The following CSMD1 variants were observed in gnomAD, a reference collection of about 807,000 sequenced individuals.
The protein encoded by CSMD1 is CUB and Sushi multiple domains 1.
A neutral mutation model predicts 417.5 loss-of-function variants in CSMD1; 213 were observed. The ratio of observed to expected loss-of-function variants is 0.51; its 90% CI spans 0.46 to 0.57. The LOEUF (loss-of-function observed/expected upper bound fraction) is 0.57. Among genes scored for constraint, CSMD1 ranks in the 20% least tolerant of loss-of-function variants. The pLI, the probability that CSMD1 is intolerant of heterozygous loss-of-function variation, is 0.00. For missense variants in CSMD1, 6,923 were observed against 4,529.7 expected (o/e 1.53, Z -15.17); for synonymous variants, 2,862 against 1,736.8 (o/e 1.65, Z -16.11).
intron 1 of CSMD1, among the ~76,000 whole-genome samples, chr8:4,902,067 A>G (rs1394658338): frequency 6.6e-6 from 1 of 152,172 alleles, no homozygotes; most frequent in Non-Finnish European, 1.5e-5. Flanking sequence ...TACATTAAAG[A>G]ATATATATGT....
chr8:4,151,547 T>G (rs991398798), intron 3 of CSMD1, among the ~76,000 whole-genome samples: 1 of 152,228 alleles, frequency 6.6e-6, no homozygotes, highest in African/African-American at 2.4e-5. Flanking sequence ...ACTTATACCA[T>G]AACATTAAAT....
intron 2 of CSMD1, among the ~76,000 whole-genome samples, chr8:4,503,134 C>CT (rs1802344311): frequency 6.6e-6 from 1 of 152,090 alleles, no homozygotes; most frequent in South Asian, 2.1e-4. Context: ...AATGGATATG[C>CT]TTTTTTTACG....
Position 2,961,154 on chromosome 8 carries a change from G to T in CSMD1, c.9689C>A (p.Ser3230Tyr). The change falls in exon 62 of 70, where the codon TCC becomes TAC. Residue 3230 changes from serine (S) to tyrosine (Y), a missense_variant. Ser to Tyr is a moderately radical substitution (Grantham distance 144). Coordinates refer to ENST00000635120, the MANE Select transcript of CSMD1 (RefSeq NM_033225.6). ...GTPHFGIQNS[S>Y]RGYEVGSTVF... ...ATAATGAACTACCTCATAGCCTCTG[G>T]AGCTATTCTGTATTCCAAAGTGTGG... 6.3e-7 allele frequency: 1 copy of T among 1,593,160 alleles called. No individual in the cohort carries two copies. The highest frequency in any genetic ancestry group is 8.6e-7 in the Non-Finnish European group (1 of 1,165,524).
chr8:2,966,490 A>T, intron 58 of CSMD1, 80 bp downstream of exon 58: 1 of 1,304,276 alleles, frequency 7.7e-7, no homozygotes, highest in Non-Finnish European at 1.1e-6. Context: ...AAACAGTATA[A>T]CACCTTAAAG....
At chr8:3,894,319 A>G (rs932058910) in intron 5 of CSMD1, among the ~76,000 whole-genome samples, 1 of 152,254 alleles carries the variant, frequency 6.6e-6, no homozygotes, top group South Asian at 2.1e-4. Context: ...TTCACCACTG[A>G]AAGCTTTGCT....
At chr8:3,746,471 G>A (rs905484754) in intron 6 of CSMD1, among the ~76,000 whole-genome samples, 6 of 152,088 alleles carry the variant, frequency 3.9e-5, no homozygotes, top group African/African-American at 7.2e-5. Context: ...AACAGTAAAC[G>A]TTTGTCATGC....
chr8:3,387,778 T>A, intron 17 of CSMD1, 96 bp from the exon 18 acceptor site: 1 of 979,432 alleles, frequency 1.0e-6, no homozygotes, highest in South Asian at 1.7e-5. Flanking sequence ...GTCTCAGAAA[T>A]AATAAGACCT....
chr8:4,359,852 G>A (rs532720316), intron 3 of CSMD1, among the ~76,000 whole-genome samples: 1 of 152,244 alleles, frequency 6.6e-6, no homozygotes, highest in Non-Finnish European at 1.5e-5. Flanking sequence ...AAGACTCAGT[G>A]CAAGTCCAGA....
At chr8:3,960,738 T>C (rs1383662168) in intron 5 of CSMD1, among the ~76,000 whole-genome samples, 3 of 151,924 alleles carry the variant, frequency 2.0e-5, no homozygotes, top group African/African-American at 7.2e-5. Context: ...AATTCATTTT[T>C]ATAATTAATT....
chr8:4,577,955 T>C (rs1478060286), intron 2 of CSMD1, among the ~76,000 whole-genome samples: 1 of 152,114 alleles, frequency 6.6e-6, no homozygotes, highest in African/African-American at 2.4e-5. Flanking sequence ...CAGAGAAAAA[T>C]GACATGGGTC....
intron 3 of CSMD1, among the ~76,000 whole-genome samples, chr8:4,038,944 A>G (rs930092143): frequency 6.6e-6 from 1 of 152,210 alleles, no homozygotes; most frequent in Non-Finnish European, 1.5e-5. Context: ...TATGGTCACA[A>G]TTCAGTGACT....
At chr8:3,258,952 G>T (rs1052942574) in intron 26 of CSMD1, among the ~76,000 whole-genome samples, 2 of 152,222 alleles carry the variant, frequency 1.3e-5, no homozygotes, top group African/African-American at 2.4e-5. Context: ...ATGGTGGAAA[G>T]TGAGAAAAGG....
At chr8:3,625,299 T>C (rs1796439418) in intron 7 of CSMD1, among the ~76,000 whole-genome samples, 1 of 152,216 alleles carries the variant, frequency 6.6e-6, no homozygotes, top group Non-Finnish European at 1.5e-5. Flanking sequence ...CTTTTATACG[T>C]ATTGTTTTAG....
At chr8:3,531,408 C>T (rs188027733) in intron 10 of CSMD1, among the ~76,000 whole-genome samples, 1 of 152,174 alleles carries the variant, frequency 6.6e-6, no homozygotes, top group Admixed American at 6.5e-5. Context: ...TTATAAAACA[C>T]AATAGTAACA....
intron 1 of CSMD1, among the ~76,000 whole-genome samples, chr8:4,979,409 G>A (rs1810749587): frequency 6.6e-6 from 1 of 152,140 alleles, no homozygotes; most frequent in Non-Finnish European, 1.5e-5. Flanking sequence ...CACACTATGA[G>A]GAGGAGAGAC....
chr8:4,788,285 T>C lies in CSMD1; in HGVS notation c.86-150727A>G, dbSNP rs956669853. ...AAAGGGATGGCATTCCTACTGTATT[T>C]GTGGCAGTGGCAGGCAGAAGTAATG... On this transcript the variant is annotated intron_variant, in intron 1 of 69. Coordinates refer to ENST00000635120, the MANE Select transcript of CSMD1 (RefSeq NM_033225.6). The C allele has an allele frequency of 6.3e-6, 10 of 1,589,906 alleles. No individual in the cohort carries two copies. In the South Asian group the frequency reaches 1.1e-4, roughly 18 times the overall value.
intron 29 of CSMD1, among the ~76,000 whole-genome samples, chr8:3,215,221 G>C (rs1797814259): frequency 6.6e-6 from 1 of 152,204 alleles, no homozygotes; most frequent in Admixed American, 6.5e-5. Context: ...AGAAGATGAA[G>C]ATGGATGCTT....
intron 1 of CSMD1, among the ~76,000 whole-genome samples, chr8:4,937,484 A>C (rs943942990): frequency 5.3e-5 from 8 of 152,194 alleles, no homozygotes; most frequent in Non-Finnish European, 1.0e-4. Flanking sequence ...GTGTTGGATG[A>C]AAAGAGATTT....
chr8:4,695,899 G>A (rs1308389847), intron 1 of CSMD1, among the ~76,000 whole-genome samples: 2 of 152,154 alleles, frequency 1.3e-5, no homozygotes, highest in African/African-American at 2.4e-5. Flanking sequence ...CTATGTATTT[G>A]CCAAATTTAA....
Sources: allele counts gnomAD v4.1 joint callset (sites outside exome capture counted in the v4.1 genomes callset), GRCh38; gene constraint gnomAD v4.1.1; transcripts MANE v1.5; gene names NCBI Gene and HGNC (gene_info 2026-07-23, HGNC 2026-07-21).